The following PIK3C2G variants were observed in gnomAD, a reference collection of about 807,000 sequenced individuals.
The protein encoded by PIK3C2G is phosphatidylinositol 3-kinase C2 domain-containing subunit gamma.
Under a neutral mutation model 181.1 loss-of-function variants are expected in PIK3C2G, and 168 were observed. That is an observed-to-expected ratio of 0.93 (90% CI 0.82 to 1.05). PIK3C2G has a LOEUF of 1.05. Ranked by LOEUF, PIK3C2G falls within the 50% of genes least tolerant of loss-of-function variation. PIK3C2G has a pLI of 0.00. For synonymous variants in PIK3C2G, 573 were observed against 592.2 expected (o/e 0.97, Z 0.47); for missense variants, 1,869 against 1,732.8 (o/e 1.08, Z -1.40).
intron 8 of PIK3C2G, among the ~76,000 whole-genome samples, chr12:18,326,669 C>T (rs1184046808): frequency 6.6e-6 from 1 of 152,032 alleles, no homozygotes; most frequent in Non-Finnish European, 1.5e-5. Context: ...GAAAAGAATC[C>T]ACAATTAGCT....
chr12:18,682,386 C>A, the PIK3C2G span, among the ~76,000 whole-genome samples: 147 of 152,090 alleles, frequency 9.7e-4, no homozygotes, highest in African/African-American at 3.4e-3. Context: ...CTTTGTCAAA[C>A]TTTGTGCTGG....
chr12:18,693,572 C>T, the PIK3C2G span: 1 of 1,599,122 alleles, frequency 6.3e-7, no homozygotes, highest in Non-Finnish European at 8.6e-7. Context: ...TGGGCCCAAA[C>T]TCGGACGGGA....
intron 16 of PIK3C2G, among the ~76,000 whole-genome samples, chr12:18,406,160 C>T (rs1210108037): frequency 6.6e-6 from 1 of 152,146 alleles, no homozygotes; most frequent in Non-Finnish European, 1.5e-5. Flanking sequence ...GCTTATTATA[C>T]TTAGCATAAT....
chr12:18,692,829 C>A, the PIK3C2G span: 3 of 1,574,280 alleles, frequency 1.9e-6, no homozygotes, highest in South Asian at 2.2e-5. Context: ...GCTCTAACAA[C>A]TCAAGGACAA....
intron 9 of PIK3C2G, 122 bp downstream of exon 9, chr12:18,338,670 T>TGTGC (rs1249349571): frequency 4.8e-5 from 16 of 330,754 alleles, no homozygotes; most frequent in Non-Finnish European, 6.0e-5. Context: ...TATCTGTGTG[T>TGTGC]GTGTGTGTGT....
At chr12:18,688,107 G>A in the PIK3C2G span, 15 of 1,610,912 alleles carry the variant, frequency 9.3e-6, no homozygotes, top group Admixed American at 1.0e-4. Context: ...TTAATTACAC[G>A]AGTCTGCTGC....
At chr12:18,572,496 A>C (rs1254672174) in intron 29 of PIK3C2G, among the ~76,000 whole-genome samples, 2 of 151,114 alleles carry the variant, frequency 1.3e-5, no homozygotes, top group Non-Finnish European at 3.0e-5. Context: ...TGATATATAT[A>C]AATATAATCT....
At position 18,420,946 on chromosome 12, in the gene PIK3C2G, C is replaced by T. The variant is rs1302667213; in HGVS notation, c.2321C>T (p.Pro774Leu). The change falls in exon 17 of 33, where the codon CCA becomes CTA. Residue 774 changes from proline (P) to leucine (L), a missense_variant. Physicochemically the swap from Pro to Leu is moderately conservative, Grantham distance 98. Coordinates refer to ENST00000538779, the MANE Select transcript of PIK3C2G (RefSeq NM_001288772.2). ...EALGLLTSSF[P>L]DQEIRKVAVQ... The stretch of plus-strand genomic sequence containing the variant: ...ATATATTTACTGTGTATTAGTTTTC[C>T]AGATCAAGAAATTCGTAAAGTGGCA... 6.4e-7 allele frequency: 1 copy of T among 1,569,248 alleles called. No individual in the cohort carries two copies. Among genetic ancestry groups the T allele is most frequent in the South Asian group, 1.1e-5 (1 of 89,876 alleles).
chr12:18,697,236 C>T, the PIK3C2G span, among the ~76,000 whole-genome samples: 1 of 152,024 alleles, frequency 6.6e-6, no homozygotes, highest in African/African-American at 2.4e-5. Context: ...TCACCTCTCC[C>T]TTCATCCTAA....
chr12:18,638,707 C>T (rs1314724888), intron 31 of PIK3C2G, among the ~76,000 whole-genome samples: 4 of 152,054 alleles, frequency 2.6e-5, no homozygotes, highest in East Asian at 1.9e-4. Context: ...GGGCATCCCA[C>T]GACCCAGCCA....
intron 1 of PIK3C2G, 50 bp from the exon 2 acceptor site, chr12:18,281,954 T>G: frequency 1.6e-6 from 1 of 634,750 alleles, no homozygotes; most frequent in Non-Finnish European, 2.8e-6. Context: ...TCTTACAAGC[T>G]CTTTTCTTTC....
chr12:18,464,889 T>A (rs1039135921), intron 18 of PIK3C2G, among the ~76,000 whole-genome samples: 4 of 152,032 alleles, frequency 2.6e-5, no homozygotes, highest in Admixed American at 1.3e-4. Flanking sequence ...TTTTTGGATT[T>A]ATTTCTATCA....
chr12:18,402,816 T>G (rs1341421457), intron 16 of PIK3C2G, among the ~76,000 whole-genome samples: 1 of 152,164 alleles, frequency 6.6e-6, no homozygotes, highest in East Asian at 1.9e-4. Flanking sequence ...AAAATCTGTT[T>G]GGCTCATTCA....
At chr12:18,492,799 T>C (rs149560426) in intron 20 of PIK3C2G, among the ~76,000 whole-genome samples, 2,290 of 152,292 alleles carry the variant, frequency 0.015, 26 homozygotes, top group Non-Finnish European at 0.021. Flanking sequence ...CATGTGCAGG[T>C]GCACCGGCTG....
chr12:18,468,574 A>C (rs1938142610), intron 18 of PIK3C2G, among the ~76,000 whole-genome samples: 1 of 152,100 alleles, frequency 6.6e-6, no homozygotes, highest in Non-Finnish European at 1.5e-5. Context: ...AACTCAGTTT[A>C]AGATCATTAT....
chr12:18,675,034 GT>G, the PIK3C2G span, among the ~76,000 whole-genome samples: 1 of 152,200 alleles, frequency 6.6e-6, no homozygotes, highest in African/African-American at 2.4e-5. Context: ...GCAATAGTCT[GT>G]AACTACCTTA....
intron 16 of PIK3C2G, among the ~76,000 whole-genome samples, chr12:18,415,622 G>A (rs1005270229): frequency 4.6e-5 from 7 of 152,182 alleles, no homozygotes; most frequent in African/African-American, 1.7e-4. Context: ...TAAGCATAAC[G>A]TGAAAGGCAT....
chr12:18,381,984 A>G, intron 14 of PIK3C2G, 104 bp downstream of exon 14: 1 of 744,102 alleles, frequency 1.3e-6, no homozygotes, highest in South Asian at 1.5e-5. Flanking sequence ...ACACATTTTA[A>G]TAGCCTTCTC....
chr12:18,615,614 G>C (rs959829997), intron 31 of PIK3C2G, among the ~76,000 whole-genome samples: 1 of 151,592 alleles, frequency 6.6e-6, no homozygotes, highest in African/African-American at 2.4e-5. Context: ...TGGATCAAAT[G>C]GTAGCTCTAC....
Sources: gnomAD v4.1 joint callset for allele counts (sites outside exome capture counted in the v4.1 genomes callset) on GRCh38, gnomAD v4.1.1 for gene constraint, MANE v1.5 for transcripts, NCBI Gene and HGNC (gene_info 2026-07-23, HGNC 2026-07-21) for gene names.